Variants in DCHS1 observed in about 807,000 individuals in gnomAD.
DCHS1 encodes protocadherin-16.
Under a neutral mutation model 213.9 loss-of-function variants are expected in DCHS1, and 78 were observed. That is an observed-to-expected ratio of 0.36 (90% CI 0.30 to 0.44). The LOEUF (loss-of-function observed/expected upper bound fraction) is 0.44, where lower values mean the gene tolerates loss of function less well. Ranked by LOEUF, DCHS1 falls within the 20% of genes least tolerant of loss-of-function variation. DCHS1 has a pLI of 1.00. For missense variants in DCHS1, 3,946 were observed against 4,395.9 expected (o/e 0.90, Z 2.89); for synonymous variants, 1,828 against 1,873.7 (o/e 0.98, Z 0.63).
rs1170360679 is a variant in DCHS1, at chr11:6,623,350, C to T, written c.8326G>A (p.Glu2776Lys). The change falls in exon 21 of 21, where the codon GAG (glutamate) becomes AAG (lysine). Residue 2776 changes from glutamate (E) to lysine (K), a missense_variant. Coordinates refer to ENST00000299441, the MANE Select transcript of DCHS1 (RefSeq NM_003737.4). ...ELRARVPFDY[E>K]HTESFRLLVG... The stretch of plus-strand genomic sequence containing the variant: ...AGCAGCCGGAAGCTTTCTGTGTGCT[C>T]ATAGTCAAAGGGCACTCGCGCACGC... The T allele has an allele frequency of 6.3e-7, 1 of 1,596,782 alleles. No homozygotes were observed. The highest frequency in any genetic ancestry group is 8.5e-7 in the Non-Finnish European group (1 of 1,171,628).
chr11:6,633,927 T>C lies in DCHS1; in HGVS notation c.2080A>G (p.Ile694Val). The C allele has an allele frequency of 6.2e-7, 1 of 1,614,034 alleles. No homozygotes were observed. The highest frequency in any genetic ancestry group is 8.5e-7 in the Non-Finnish European group (1 of 1,179,892). Residue 694 changes from isoleucine to valine, a missense_variant, in exon 4 of 21, where the codon ATA becomes GTA. Physicochemically the swap from Ile to Val is conservative, Grantham distance 29 (BLOSUM62 3). Transcript: ENST00000299441. ...QFYPREYAAS[I>V]SAQSPPGTAV... Reference sequence around the variant, plus strand: ...GTGCCTGGTGGACTCTGGGCACTTATACTGGCAGCATACTCCCGTGGATAA... The same window carrying C: ...GTGCCTGGTGGACTCTGGGCACTTACACTGGCAGCATACTCCCGTGGATAA...
chr11:6,627,733 A>G lies in DCHS1; in HGVS notation c.5372-66T>C. On this transcript the variant is annotated intron_variant, in intron 13 of 20. Coordinates refer to ENST00000299441, the MANE Select transcript of DCHS1 (RefSeq NM_003737.4). This position sits in a 1 kb window ranked among gnomAD's most constrained non-coding sequence, Gnocchi z 5.4. ...TGGGGATGGGGGTGATTTACAGACA[A>G]CAGGAGAGAGTGAGCATGTGCACAA... 1 of 1,526,878 alleles carries G rather than the reference A, an allele frequency of 6.5e-7. No homozygotes were observed. Among genetic ancestry groups the G allele is most frequent in the Non-Finnish European group, 8.9e-7 (1 of 1,128,492 alleles). The allele number at this position is 1,526,878 out of a possible 1,614,324, so 94.6% of individuals were successfully genotyped here. A position where few individuals can be genotyped will look rare whatever the true frequency, so the allele number is the denominator to read the frequency against.
intron 5 of DCHS1, 44 bp from the exon 6 acceptor site, chr11:6,633,100 C>T (rs772805866): frequency 6.4e-7 from 1 of 1,556,682 alleles, no homozygotes; most frequent in Non-Finnish European, 8.7e-7. Context: ...TGGAGGGGCA[C>T]TTATTGAGTC....
chr11:6,624,964 G>T, intron 19 of DCHS1, 96 bp from the exon 20 acceptor site: 1 of 1,542,388 alleles, frequency 6.5e-7, no homozygotes, highest in East Asian at 2.3e-5. Flanking sequence ...GCCCTGCTTG[G>T]CGTCTATTCC....
At chr11:6,648,325 G>A (rs4758447) in intron 1 of DCHS1, among the ~76,000 whole-genome samples, 4,333 of 152,234 alleles carry the variant, frequency 0.028, 188 homozygotes, top group African/African-American at 0.098. Flanking sequence ...TTCTTCCTGG[G>A]GGCAGTATCA....
At chr11:6,646,613 C>T (rs192065809) in intron 1 of DCHS1, among the ~76,000 whole-genome samples, 21 of 152,264 alleles carry the variant, frequency 1.4e-4, no homozygotes, top group African/African-American at 4.6e-4. Flanking sequence ...TTCCTTCTTC[C>T]AAATCTGTCA....
rs146086570 is a variant in DCHS1 at position 6,634,007 on chromosome 11, G to A, written c.2000C>T (p.Ser667Phe). 2 of 1,613,760 alleles carry A rather than the reference G, an allele frequency of 1.2e-6. No homozygotes were observed. The highest frequency in any genetic ancestry group is 2.2e-5 in the East Asian group (1 of 44,888). The change falls in exon 4 of 21, where the codon TCC (serine) becomes TTC (phenylalanine). Residue 667 changes from serine to phenylalanine, a missense_variant. Physicochemically the swap from Ser to Phe is radical, Grantham distance 155. Transcript: ENST00000299441. ...CAGAAACACCTTCACATATACCATG[G>A]ACTTGAGGCCTCCCTGGTGGGACAT... ...VTAVDGGGLK[S>F]MVYVKVFLSD...
chr11:6,634,335 C>T (rs773628036), intron 2 of DCHS1, 29 bp from the exon 3 acceptor site: 6 of 1,536,168 alleles, frequency 3.9e-6, no homozygotes, highest in Admixed American at 4.1e-5. Flanking sequence ...GAGTGGTGTC[C>T]CCTCTTCTTT....
rs1437417771 is a variant in DCHS1, at chr11:6,622,061, G to A, written c.9615C>T (p.Ile3205=). The A allele has an allele frequency of 6.2e-7, 1 of 1,612,324 alleles. No individual in the cohort carries two copies. Among genetic ancestry groups the A allele is most frequent in the South Asian group, 1.1e-5 (1 of 91,024 alleles). ...PAPRIDPPPL[I]TAVAHPGAKS... Reference sequence around the variant, plus strand: ...TGGCTCCTGGGTGGGCCACGGCAGTGATGAGGGGTGGTGGGTCGATACGGG... The same window carrying A: ...TGGCTCCTGGGTGGGCCACGGCAGTAATGAGGGGTGGTGGGTCGATACGGG... The change falls in exon 21 of 21, where the codon ATC becomes ATT. Residue 3205 remains isoleucine, a synonymous_variant. Transcript: ENST00000299441. This position sits in a 1 kb window ranked among gnomAD's most constrained non-coding sequence, Gnocchi z 5.4.
At position 6,633,543 on chromosome 11, in the gene DCHS1, C is replaced by T. The variant is rs763868169; in HGVS notation, c.2324G>A (p.Arg775Gln). ...TCCAGGCACAATGCTGATGTCCACTCGGGCACTGGGTTCTGCCTGTAGGCC... is the reference window on the plus strand; with the variant it reads ...TCCAGGCACAATGCTGATGTCCACTTGGGCACTGGGTTCTGCCTGTAGGCC... ...GGGLQAEPSA[R>Q]VDISIVPGTP... is the part of the protein sequence containing the mutation. The change falls in exon 5 of 21, where the codon CGA becomes CAA. Residue 775 changes from arginine (R) to glutamine (Q), a missense_variant. Around this residue, in one of 3 missense-constraint regions of DCHS1, gnomAD observed 3,384 missense variants for 3,780.1 expected, o/e 0.90. Coordinates refer to ENST00000299441, the MANE Select transcript of DCHS1 (RefSeq NM_003737.4). 7.6e-6 allele frequency: 12 copies of T among 1,588,438 alleles called. No individual in the cohort carries two copies. The Middle Eastern group carries it at 5.0e-4, about 66-fold the overall frequency.
rs2134626467 is a variant in DCHS1, at chr11:6,630,520, T to G, written c.4274A>C (p.Gln1425Pro). 1 of 1,538,378 alleles carries G rather than the reference T, an allele frequency of 6.5e-7. No individual in the cohort carries two copies. The highest frequency in any genetic ancestry group is 1.2e-5 in the South Asian group (1 of 84,768). The change falls in exon 10 of 21, where the codon CAA (glutamine) becomes CCA (proline). Residue 1425 changes from glutamine (Q) to proline (P), a missense_variant. Around this residue, in one of 3 missense-constraint regions of DCHS1, gnomAD observed 3,384 missense variants for 3,780.1 expected, o/e 0.90. Coordinates refer to ENST00000299441, the MANE Select transcript of DCHS1 (RefSeq NM_003737.4). ...AGARLLRVQV[Q>P]VQDENEHAPA... The stretch of plus-strand genomic sequence containing the variant: ...CGCATGCTCATTCTCGTCCTGCACT[T>G]GCACCTGCACTCGCAGCAGCCGCGC...
intron 1 of DCHS1, among the ~76,000 whole-genome samples, chr11:6,655,224 C>T (rs1249069530): frequency 6.6e-6 from 1 of 152,146 alleles, no homozygotes; most frequent in Admixed American, 6.5e-5. Flanking sequence ...CATGCACACA[C>T]AGCCAGAGAG....
chr11:6,622,655 A>T lies in DCHS1; in HGVS notation c.9021T>A (p.Leu3007=), dbSNP rs1211165511. 3 of 1,592,392 alleles carry T rather than the reference A, an allele frequency of 1.9e-6. No individual in the cohort carries two copies. ...CAGCTCCTGGCCCACCATAGCTGGG[A>T]AGAGTCTGGTGATAGAGGTGCTCAG... ...PPSEHLYHQT[L]PSYGGPGAGG... The change falls in exon 21 of 21, where the codon CTT becomes CTA. Residue 3007 remains leucine, a synonymous_variant. Coordinates refer to ENST00000299441, the MANE Select transcript of DCHS1 (RefSeq NM_003737.4). This position sits in a 1 kb window ranked among gnomAD's most constrained non-coding sequence, Gnocchi z 5.4.
chr11:6,648,548 A>G (rs2134656874), intron 1 of DCHS1, among the ~76,000 whole-genome samples: 1 of 152,314 alleles, frequency 6.6e-6, no homozygotes, highest in African/African-American at 2.4e-5. Flanking sequence ...ACCAATAGCT[A>G]GCCATAGAGC....
At chr11:6,650,952 T>C (rs1856234053) in intron 1 of DCHS1, among the ~76,000 whole-genome samples, 1 of 152,152 alleles carries the variant, frequency 6.6e-6, no homozygotes, top group African/African-American at 2.4e-5. Flanking sequence ...GTGAGTAGTG[T>C]GAAAATTTCT....
chr11:6,646,123 C>T (rs906574844), intron 1 of DCHS1, among the ~76,000 whole-genome samples: 1 of 151,918 alleles, frequency 6.6e-6, no homozygotes, highest in Non-Finnish European at 1.5e-5. Context: ...CCCACATACA[C>T]ACACACACCC....
chr11:6,639,629 C>A (rs1353080534), intron 2 of DCHS1, among the ~76,000 whole-genome samples, 188 bp downstream of exon 2: 2 of 152,198 alleles, frequency 1.3e-5, no homozygotes, highest in African/African-American at 2.4e-5. Flanking sequence ...GCTCTTGCAC[C>A]CTGCTTTCTC....
chr11:6,652,974 C>A (rs183259614), intron 1 of DCHS1, among the ~76,000 whole-genome samples: 1 of 152,336 alleles, frequency 6.6e-6, no homozygotes, highest in East Asian at 1.9e-4. Context: ...TCCTTCTTCT[C>A]AGGCTCTTTC....
chr11:6,631,437 T>G, intron 7 of DCHS1, 30 bp from the exon 8 acceptor site: 1 of 1,609,852 alleles, frequency 6.2e-7, no homozygotes. Context: ...CTAGTGAGTC[T>G]CTTTCCTGTT....
Sources: gnomAD v4.1 joint callset for allele counts (sites outside exome capture counted in the v4.1 genomes callset) on GRCh38, gnomAD v4.1.1 for gene constraint, gnomAD v4.1.1 regional missense constraint, Gnocchi (gnomAD v3.1) non-coding constraint, MANE v1.5 for transcripts, NCBI Gene and HGNC (gene_info 2026-07-23, HGNC 2026-07-21) for gene names.